CLYBL: variants seen among roughly 807,000 people sequenced by gnomAD.
CLYBL encodes the protein citramalyl-CoA lyase.
In CLYBL, 31 loss-of-function variants were observed where a neutral mutation model predicts 38.9. The ratio of observed to expected loss-of-function variants is 0.80; its 90% CI spans 0.60 to 1.08. The LOEUF (loss-of-function observed/expected upper bound fraction) is 1.08, where lower values mean the gene tolerates loss of function less well. Among genes scored for constraint, CLYBL ranks in the 50% least tolerant of loss-of-function variants. The pLI, the probability that CLYBL is intolerant of heterozygous loss-of-function variation, is 0.00. For synonymous variants in CLYBL, 171 were observed against 158.6 expected, an observed-to-expected ratio of 1.08 and a Z score of -0.59; for missense variants, 434 against 411.6, an observed-to-expected ratio of 1.05 and a Z score of -0.47.
chr13:99,676,182 G>A (rs75524236), intron 1 of CLYBL, among the ~76,000 whole-genome samples: 6 of 84,734 alleles, frequency 7.1e-5, no homozygotes, highest in African/African-American at 2.6e-4. Flanking sequence ...CCTTCCCTCC[G>A]TCCGTCCTTC....
Position 99,611,498 on chromosome 13 carries a change from C to T in CLYBL, c.62+4741C>T, listed in dbSNP as rs1220001297. Among the ~76,000 whole-genome samples the T allele has an allele frequency of 4.6e-5, 7 of 152,182 alleles. No individual in the cohort carries two copies. In the East Asian group the frequency reaches 7.7e-4, roughly 17 times the overall value. On this transcript the variant is annotated intron_variant, in intron 1 of 8. Coordinates refer to ENST00000339105, the MANE Select transcript of CLYBL (RefSeq NM_206808.5). ...TGACCATTGCATTCCTGGAATAAAC[C>T]CCACTGATTGTGATGTATTGTTTGG...
intron 1 of CLYBL, among the ~76,000 whole-genome samples, chr13:99,740,966 T>C (rs1362575127): frequency 1.3e-5 from 2 of 152,114 alleles, no homozygotes; most frequent in Admixed American, 6.5e-5. Flanking sequence ...AAATATGATA[T>C]TTATAAAGCA....
chr13:99,738,430 C>CA (rs1013070017), intron 1 of CLYBL, among the ~76,000 whole-genome samples: 35 of 152,080 alleles, frequency 2.3e-4, no homozygotes, highest in African/African-American at 8.0e-4. Flanking sequence ...AGAAATGGAT[C>CA]AAATGTAAGG....
chr13:99,771,101 A>G (rs2049385300), intron 1 of CLYBL, among the ~76,000 whole-genome samples: 1 of 143,162 alleles, frequency 7.0e-6, no homozygotes, highest in South Asian at 2.2e-4. Flanking sequence ...CTTTGCGATC[A>G]CAGCTCATTG....
At position 99,679,304 on chromosome 13, in the gene CLYBL, A is replaced by AAAAAAG. The variant is rs1555351594; in HGVS notation, c.62+72551_62+72552insAGAAAA. Among the ~76,000 whole-genome samples, 186 of 137,730 alleles carry AAAAAAG rather than the reference A, an allele frequency of 1.4e-3. 1 individual carries two copies. The highest frequency in any genetic ancestry group is 1.4e-3 in the Non-Finnish European group (92 of 65,438). 90.4% of individuals were successfully genotyped at this position (137,730 alleles called of 152,430 possible). On this transcript the variant is annotated intron_variant, in intron 1 of 8. Transcript: ENST00000339105. ...GCGAGACTCCGACTCAAAAAAAAAA[A>AAAAAAG]AAAAGAAAAGAAAAAGAAAAATAGT...
chr13:99,616,012 T>G (rs1253559084), intron 1 of CLYBL, among the ~76,000 whole-genome samples: 1 of 152,012 alleles, frequency 6.6e-6, no homozygotes, highest in East Asian at 1.9e-4. Flanking sequence ...TTTTTTATTT[T>G]TATTTTTTAT....
chr13:99,744,136 T>C (rs930052848), intron 1 of CLYBL, among the ~76,000 whole-genome samples: 7 of 151,548 alleles, frequency 4.6e-5, no homozygotes, highest in Admixed American at 1.3e-4. Context: ...CCACGCCCGG[T>C]TAATTTTTTG....
At chr13:99,745,763 A>G (rs1283471951) in intron 1 of CLYBL, among the ~76,000 whole-genome samples, 2 of 152,122 alleles carry the variant, frequency 1.3e-5, no homozygotes, top group African/African-American at 2.4e-5. Context: ...TGTGTGTGGT[A>G]TGGGTCTGGC....
intron 2 of CLYBL, among the ~76,000 whole-genome samples, chr13:99,810,659 C>T (rs1431719278): frequency 6.6e-6 from 1 of 152,042 alleles, no homozygotes; most frequent in Non-Finnish European, 1.5e-5. Flanking sequence ...CTAAGGGTTT[C>T]AAGCAGCAGA....
chr13:99,608,597 G>A (rs887883805), intron 1 of CLYBL, among the ~76,000 whole-genome samples: 30 of 152,102 alleles, frequency 2.0e-4, no homozygotes, highest in African/African-American at 7.2e-4. Context: ...TCTGTGACCT[G>A]TTCAGTAGCG....
At chr13:99,887,524 C>A (rs562415905) in intron 7 of CLYBL, among the ~76,000 whole-genome samples, 1 of 152,098 alleles carries the variant, frequency 6.6e-6, no homozygotes, top group African/African-American at 2.4e-5. Context: ...TCTGGGAGGC[C>A]GAGGCAGGAG....
In CLYBL at chr13:99,868,032, G is replaced by A. The variant is rs912345078; in HGVS notation, c.802+1625G>A. Reference sequence around the variant, plus strand: ...TTCTAGACTGTGCCCAGCTCAGCACGAGAAGCTTATGGACCTGGCACTATT... The same window carrying A: ...TTCTAGACTGTGCCCAGCTCAGCACAAGAAGCTTATGGACCTGGCACTATT... On this transcript the variant is annotated intron_variant, in intron 6 of 8. Transcript: ENST00000339105. Among the ~76,000 whole-genome samples the A allele has an allele frequency of 3.3e-5, 5 of 152,076 alleles. No individual in the cohort carries two copies. In the East Asian group the frequency reaches 5.8e-4, roughly 18 times the overall value.
intron 7 of CLYBL, among the ~76,000 whole-genome samples, chr13:99,884,562 T>A (rs927596): frequency 2.6e-5 from 4 of 152,112 alleles, no homozygotes; most frequent in African/African-American, 9.7e-5. Context: ...GTTCTAGTTC[T>A]TAAGTAATAG....
chr13:99,725,784 G>A (rs1194339121), intron 1 of CLYBL, among the ~76,000 whole-genome samples: 1 of 152,148 alleles, frequency 6.6e-6, no homozygotes, highest in Non-Finnish European at 1.5e-5. Flanking sequence ...ACGGCTCCCG[G>A]GGAGGCATTG....
chr13:99,888,902 A>G (rs1163587491), intron 7 of CLYBL, among the ~76,000 whole-genome samples: 1 of 152,186 alleles, frequency 6.6e-6, no homozygotes, highest in Non-Finnish European at 1.5e-5. Flanking sequence ...TTAAAAAAAT[A>G]CCACCTAAAT....
intron 1 of CLYBL, among the ~76,000 whole-genome samples, chr13:99,666,352 C>G (rs994340979): frequency 6.6e-6 from 1 of 151,988 alleles, no homozygotes; most frequent in African/African-American, 2.4e-5. Context: ...CTTTAGGCAG[C>G]CTGACCTTCA....
intron 1 of CLYBL, among the ~76,000 whole-genome samples, chr13:99,671,037 C>T (rs990421595): frequency 1.3e-5 from 2 of 152,184 alleles, no homozygotes; most frequent in East Asian, 3.9e-4. Context: ...GTCCGCTGCC[C>T]TTATGACACA....
At chr13:99,880,071 T>A (rs868135222) in intron 7 of CLYBL, among the ~76,000 whole-genome samples, 1,949 of 140,416 alleles carry the variant, frequency 0.014, 15 homozygotes, top group East Asian at 0.021. Context: ...TATATATATT[T>A]TTTTTTTTTT....
In CLYBL at chr13:99,871,091, G is replaced by A. The variant is rs7321513; in HGVS notation, c.927+29G>A. On this transcript the variant is annotated intron_variant, in intron 7 of 8. Coordinates refer to ENST00000339105, the MANE Select transcript of CLYBL (RefSeq NM_206808.5). ...AATGTTTTGTTAATGCCTTGGGTGA[G>A]AGCAGTATTGAAAATATTGTCGGGA... 5.6e-3 allele frequency: 9,035 copies of A among 1,611,030 alleles called. 421 individuals carry two copies. The African/African-American group carries it at 0.1, about 18-fold the overall frequency.
Sources: gnomAD v4.1 joint callset for allele counts (sites outside exome capture counted in the v4.1 genomes callset) on GRCh38, gnomAD v4.1.1 for gene constraint, MANE v1.5 for transcripts, NCBI Gene and HGNC (gene_info 2026-07-23, HGNC 2026-07-21) for gene names.